The following FAM221A variants were observed in gnomAD, a reference collection of about 807,000 sequenced individuals.
FAM221A encodes family with sequence similarity 221 member A, also known as protein FAM221A.
A neutral mutation model predicts 37.6 loss-of-function variants in FAM221A; 43 were observed. The ratio of observed to expected loss-of-function variants is 1.15; its 90% CI spans 0.90 to 1.48. The LOEUF (loss-of-function observed/expected upper bound fraction) is 1.48. Ranked by LOEUF, FAM221A falls within the 40% of genes most tolerant of loss-of-function variation. The pLI, the probability that FAM221A is intolerant of heterozygous loss-of-function variation, is 0.00. For synonymous variants in FAM221A, 135 were observed against 132.9 expected (o/e 1.02, Z -0.11); for missense variants, 361 against 361.5 (o/e 1.00, Z 0.01).
At chr7:23,682,206 C>T (rs1392449104) in intron 1 of FAM221A, among the ~76,000 whole-genome samples, 1 of 151,478 alleles carries the variant, frequency 6.6e-6, no homozygotes, top group East Asian at 2.0e-4. Context: ...GCTAGGACTA[C>T]AGGCATGCAT....
In FAM221A at chr7:23,689,370, T is replaced by G; in HGVS notation, c.341T>G (p.Val114Gly). The G allele has an allele frequency of 6.2e-7, 1 of 1,608,566 alleles. No homozygotes were observed. The highest frequency in any genetic ancestry group is 8.5e-7 in the Non-Finnish European group (1 of 1,175,894). ...TGCCAGTGCAGGGCTTACCTTTATG[T>G]CCCCTTGAATGGTAGCCAGCCCATT... ...TGCQCRAYLYVPLNGSQPIRC... is the reference protein window; with the variant it reads ...TGCQCRAYLYGPLNGSQPIRC... Residue 114 changes from valine to glycine, a missense_variant, in exon 3 of 7, where the codon GTC becomes GGC. Transcript: ENST00000344962.
At chr7:23,697,614 G>A (rs1261368333) in intron 4 of FAM221A, among the ~76,000 whole-genome samples, 3 of 152,130 alleles carry the variant, frequency 2.0e-5, no homozygotes, top group African/African-American at 7.2e-5. Context: ...GCTTTTGATA[G>A]TGTTTTATAA....
rs929710836 is a variant in FAM221A at position 23,689,907 on chromosome 7, C to G, written c.430+448C>G. On this transcript the variant is annotated intron_variant, in intron 3 of 6. Transcript: ENST00000344962. ...TTTTAATGCTTTGTATGCAGTAATA[C>G]CCTTACCTTAATACCTGTACCCAAA... 9.9e-5 allele frequency among the ~76,000 whole-genome samples: 15 copies of G among 151,918 alleles called. No individual in the cohort carries two copies. In the South Asian group the frequency reaches 3.1e-3, roughly 32 times the overall value.
At chr7:23,690,170 C>CATATATATATATATATATAT (rs1175330292) in intron 3 of FAM221A, among the ~76,000 whole-genome samples, 2 of 68,598 alleles carry the variant, frequency 2.9e-5, no homozygotes, top group Non-Finnish European at 5.5e-5. Context: ...TGCCTTGGTT[C>CATATATATATATATATATAT]ATATATATAT....
In FAM221A at chr7:23,680,352, G is replaced by A. The variant is rs1010476077; in HGVS notation, c.65+69G>A. 6 of 1,339,138 alleles carry A rather than the reference G, an allele frequency of 4.5e-6. No homozygotes were observed. In the East Asian group the frequency reaches 1.3e-4, roughly 29 times the overall value. 83.0% of individuals were successfully genotyped at this position (1,339,138 alleles called of 1,614,324 possible). Reference sequence around the variant, plus strand: ...GCCAGGATCCCTGGGCTGGGGGCGCGAGCAGGGGCCCGGCGGGCGTCCGCG... The same window carrying A: ...GCCAGGATCCCTGGGCTGGGGGCGCAAGCAGGGGCCCGGCGGGCGTCCGCG... On this transcript the variant is annotated intron_variant, in intron 1 of 6. Transcript: ENST00000344962.
chr7:23,699,189 C>T (rs553351674), intron 5 of FAM221A, among the ~76,000 whole-genome samples: 2 of 149,776 alleles, frequency 1.3e-5, no homozygotes, highest in South Asian at 4.2e-4. Flanking sequence ...GTGATCATGG[C>T]TCACTGTTAC....
At chr7:23,696,909 C>G (rs979512992) in intron 4 of FAM221A, among the ~76,000 whole-genome samples, 4 of 152,184 alleles carry the variant, frequency 2.6e-5, no homozygotes, top group Admixed American at 2.6e-4. Flanking sequence ...TCCCAGCTCT[C>G]TGGGGGTGTG....
intron 3 of FAM221A, 43 bp downstream of exon 3, chr7:23,689,502 ATGTCTTCC>A: frequency 7.2e-7 from 1 of 1,386,596 alleles, no homozygotes; most frequent in Non-Finnish European, 9.8e-7. Flanking sequence ...GAATGTTTAT[ATGTCTTCC>A]TTGAATATTT....
chr7:23,696,110 C>T (rs1221737542), intron 4 of FAM221A, among the ~76,000 whole-genome samples: 1 of 152,224 alleles, frequency 6.6e-6, no homozygotes, highest in Admixed American at 6.5e-5. Context: ...GCATACTACA[C>T]ACCTAGCTAC....
chr7:23,686,603 A>G (rs985280512), intron 2 of FAM221A: 3 of 180,072 alleles, frequency 1.7e-5, no homozygotes, highest in African/African-American at 7.2e-5. Context: ...TATTATATTT[A>G]GTACTGATCC....
chr7:23,680,306 GC>G (rs768133642), intron 1 of FAM221A, 23 bp downstream of exon 1: 23 of 1,499,140 alleles, frequency 1.5e-5, no homozygotes, highest in Middle Eastern at 2.2e-4. Flanking sequence ...CTCCGGGCCT[GC>G]CCCCCCGCCG....
chr7:23,688,511 G>A (rs1051426584), intron 2 of FAM221A: 1 of 152,088 alleles, frequency 6.6e-6, no homozygotes, highest in Non-Finnish European at 1.5e-5. Flanking sequence ...GAAGTCAAAA[G>A]TCATATTAAA....
intron 4 of FAM221A, chr7:23,693,345 G>GT (rs1784858221): frequency 6.6e-6 from 1 of 152,186 alleles, no homozygotes; most frequent in African/African-American, 2.4e-5. Flanking sequence ...TTTTTTGCCA[G>GT]TCTGACATGT....
chr7:23,686,051 A>G (rs1784346050), intron 2 of FAM221A, among the ~76,000 whole-genome samples: 1 of 152,204 alleles, frequency 6.6e-6, no homozygotes, highest in Admixed American at 6.5e-5. Context: ...GTAATGTTGT[A>G]TATAGATTGA....
At chr7:23,694,521 CATA>C (rs1562525904) in intron 4 of FAM221A, 1 of 152,312 alleles carries the variant, frequency 6.6e-6, no homozygotes, top group East Asian at 1.9e-4. Context: ...AGTGTCAAAA[CATA>C]ATGATGATGA....
rs758066203 is a variant in FAM221A, at chr7:23,698,304, T to C, written c.745+5T>C. ...CTCCAGAAACGTTAACAGATGGTAATGAAATGAAGTTTAGAACTGTTTTTG... is the reference window on the plus strand; with the variant it reads ...CTCCAGAAACGTTAACAGATGGTAACGAAATGAAGTTTAGAACTGTTTTTG... On this transcript the variant is annotated splice_donor_5th_base_variant and intron_variant, in intron 5 of 6. Coordinates refer to ENST00000344962, the MANE Select transcript of FAM221A (RefSeq NM_199136.5). The C allele has an allele frequency of 3.3e-5, 48 of 1,475,516 alleles. No individual in the cohort carries two copies. The highest frequency in any genetic ancestry group is 3.1e-4 in the South Asian group (26 of 83,690). The allele number at this position is 1,475,516 out of a possible 1,614,324, so 91.4% of individuals were successfully genotyped here.
At chr7:23,697,531 C>A (rs908955242) in intron 4 of FAM221A, among the ~76,000 whole-genome samples, 5 of 152,092 alleles carry the variant, frequency 3.3e-5, no homozygotes, top group Admixed American at 2.0e-4. Flanking sequence ...TAGATGGTTT[C>A]CTAGTAAGGA....
Position 23,698,305 on chromosome 7 carries a change from GA to G in FAM221A, c.745+9del. 1 of 1,474,082 alleles carries G rather than the reference GA, an allele frequency of 6.8e-7. No homozygotes were observed. The allele number at this position is 1,474,082 out of a possible 1,614,324, so 91.3% of individuals were successfully genotyped here. On this transcript the variant is annotated splice_region_variant and intron_variant, in intron 5 of 6. Coordinates refer to ENST00000344962, the MANE Select transcript of FAM221A (RefSeq NM_199136.5). ...TCCAGAAACGTTAACAGATGGTAAT[GA>G]AATGAAGTTTAGAACTGTTTTTGGA...
intron 3 of FAM221A, 37 bp downstream of exon 3, chr7:23,689,496 G>T (rs747916372): frequency 1.1e-5 from 16 of 1,415,930 alleles, no homozygotes; most frequent in Non-Finnish European, 1.4e-5. Flanking sequence ...AACTCAGAAT[G>T]TTTATATGTC....
Sources: gnomAD v4.1 joint callset for allele counts (sites outside exome capture counted in the v4.1 genomes callset) on GRCh38, gnomAD v4.1.1 for gene constraint, MANE v1.5 for transcripts, NCBI Gene and HGNC (gene_info 2026-07-23, HGNC 2026-07-21) for gene names.